The following SMARCAL1 variants were observed in gnomAD, a reference collection of about 807,000 sequenced individuals.
SMARCAL1 encodes SNF2 related chromatin remodeling annealing helicase 1.
A neutral mutation model predicts 94.5 loss-of-function variants in SMARCAL1; 58 were observed. The ratio of observed to expected loss-of-function variants is 0.61; its 90% CI spans 0.50 to 0.76. The LOEUF is 0.76. Among genes scored for constraint, SMARCAL1 ranks in the 30% least tolerant of loss-of-function variants. The pLI is 0.00. For synonymous variants in SMARCAL1, 422 were observed against 455.1 expected (o/e 0.93, Z 0.93); for missense variants, 1,051 against 1,177.9 (o/e 0.89, Z 1.58).
chr2:216,471,960 A>G (rs1287242015), intron 14 of SMARCAL1, among the ~76,000 whole-genome samples: 1 of 152,056 alleles, frequency 6.6e-6, no homozygotes, highest in Non-Finnish European at 1.5e-5. Context: ...ACCTGAAGAA[A>G]CTCCAAAATT....
chr2:216,445,623 T>A (rs1328961064), intron 10 of SMARCAL1, among the ~76,000 whole-genome samples: 1 of 152,168 alleles, frequency 6.6e-6, no homozygotes, highest in African/African-American at 2.4e-5. Flanking sequence ...CCCTTTTTCA[T>A]TGAAATGATC....
chr2:216,454,695 A>G (rs1222397228), intron 12 of SMARCAL1, among the ~76,000 whole-genome samples: 2 of 151,974 alleles, frequency 1.3e-5, no homozygotes, highest in Non-Finnish European at 2.9e-5. Context: ...TTATTACTAT[A>G]CTATAAAAAA....
chr2:216,478,186 T>A lies in SMARCAL1; in HGVS notation c.2529-17T>A. 6.2e-7 allele frequency: 1 copy of A among 1,609,410 alleles called. No homozygotes were observed. Among genetic ancestry groups the A allele is most frequent in the Non-Finnish European group, 8.5e-7 (1 of 1,175,698 alleles). ...CTGTGCAGGTTGTATTCACTGCAGC[T>A]CATTTCTCCCCAACAGGCCCCTGAT... On this transcript the variant is annotated splice_polypyrimidine_tract_variant and intron_variant, in intron 16 of 17. Transcript: ENST00000357276.
intron 10 of SMARCAL1, among the ~76,000 whole-genome samples, chr2:216,445,317 CT>C (rs3836030): frequency 0.72 from 109,581 of 151,978 alleles, 40,034 homozygotes; most frequent in African/African-American, 0.84. Flanking sequence ...ATTCTGGTTT[CT>C]TTTTCAAAGC....
At chr2:216,431,591 C>T (rs1000954562) in intron 7 of SMARCAL1, among the ~76,000 whole-genome samples, 7 of 152,136 alleles carry the variant, frequency 4.6e-5, no homozygotes, top group African/African-American at 1.7e-4. Context: ...GCTTTATTAA[C>T]CCTCCCACAG....
intron 6 of SMARCAL1, among the ~76,000 whole-genome samples, chr2:216,427,991 T>C (rs16856088): frequency 0.14 from 21,458 of 152,158 alleles, 1,604 homozygotes; most frequent in South Asian, 0.25. Flanking sequence ...CGATTAGCCT[T>C]TTGGTGGGTT....
chr2:216,427,666 A>G (rs1693865076), intron 6 of SMARCAL1, among the ~76,000 whole-genome samples: 1 of 152,236 alleles, frequency 6.6e-6, no homozygotes. Flanking sequence ...AACTATTTCC[A>G]GAAATAACTG....
chr2:216,447,514 C>T lies in SMARCAL1; in HGVS notation c.1851+356C>T, dbSNP rs568561190. ...GTGCTGGAGCTATAAAAGGAAAGTC[C>T]TTGTCAAGTGCTGGCCCTAGAGAAG... On this transcript the variant is annotated intron_variant, in intron 11 of 17. Coordinates refer to ENST00000357276, the MANE Select transcript of SMARCAL1 (RefSeq NM_014140.4). Among the ~76,000 whole-genome samples, 6 of 152,198 alleles carry T rather than the reference C, an allele frequency of 3.9e-5. 1 individual carries two copies. The highest frequency in any genetic ancestry group is 1.2e-4 in the African/African-American group (5 of 41,522).
intron 8 of SMARCAL1, among the ~76,000 whole-genome samples, chr2:216,434,961 C>T (rs1574458376): frequency 1.3e-5 from 2 of 150,240 alleles, no homozygotes; most frequent in African/African-American, 2.5e-5. Context: ...CGGGTTCAAG[C>T]GATTCTCCTG....
intron 4 of SMARCAL1, 131 bp downstream of exon 4, chr2:216,416,438 C>T (rs545736767): frequency 4.0e-6 from 3 of 754,950 alleles, no homozygotes; most frequent in East Asian, 5.2e-5. Context: ...CCCCCCCCAA[C>T]ACTCCTTCCC....
chr2:216,433,594 G>C (rs375202824), intron 8 of SMARCAL1, among the ~76,000 whole-genome samples: 38 of 152,236 alleles, frequency 2.5e-4, no homozygotes, highest in South Asian at 1.2e-3. Context: ...CTCTGTAGAG[G>C]GGGGAGTGAG....
intron 13 of SMARCAL1, among the ~76,000 whole-genome samples, chr2:216,464,940 G>A (rs1478707015): frequency 1.3e-5 from 2 of 152,170 alleles, no homozygotes; most frequent in Non-Finnish European, 2.9e-5. Context: ...GAGTCCAGGA[G>A]TTTGAGACCA....
chr2:216,479,180 A>G (rs1301868906), intron 17 of SMARCAL1: 1 of 152,264 alleles, frequency 6.6e-6, no homozygotes, highest in Non-Finnish European at 1.5e-5. Flanking sequence ...TTCTGCCAGG[A>G]GAGTTTGAAC....
chr2:216,452,411 T>C (rs1226604832), intron 12 of SMARCAL1, among the ~76,000 whole-genome samples: 1 of 152,218 alleles, frequency 6.6e-6, no homozygotes, highest in Admixed American at 6.5e-5. Flanking sequence ...TGAACTGGTA[T>C]AGCAAATATA....
intron 12 of SMARCAL1, among the ~76,000 whole-genome samples, chr2:216,463,080 C>T (rs1017649125): frequency 6.6e-6 from 1 of 152,182 alleles, no homozygotes. Context: ...GCTGTGGTTG[C>T]TTTCCTGAGT....
At chr2:216,431,175 GC>G (rs935745897) in intron 7 of SMARCAL1, among the ~76,000 whole-genome samples, 2 of 152,244 alleles carry the variant, frequency 1.3e-5, no homozygotes, top group African/African-American at 4.8e-5. Context: ...GGGATTTGCT[GC>G]CCAGTTTTCC....
chr2:216,423,675 G>A lies in SMARCAL1; in HGVS notation c.1139G>A (p.Ser380Asn). ...RKWSFLLEEH[S>N]KLIAKVRCLP... ...TGGAGCTTTCTCTTGGAAGAGCACA[G>A]TAAACTAAGTGAGAAGCCTTCCTTA... The change falls in exon 6 of 18, where the codon AGT becomes AAT. Residue 380 changes from serine to asparagine, a missense_variant. Coordinates refer to ENST00000357276, the MANE Select transcript of SMARCAL1 (RefSeq NM_014140.4). The A allele has an allele frequency of 6.2e-7, 1 of 1,613,110 alleles. No individual in the cohort carries two copies. The highest frequency in any genetic ancestry group is 8.5e-7 in the Non-Finnish European group (1 of 1,179,066).
intron 10 of SMARCAL1, among the ~76,000 whole-genome samples, chr2:216,439,327 G>A (rs1024358464): frequency 8.4e-5 from 3 of 35,880 alleles, no homozygotes; most frequent in Non-Finnish European, 1.7e-4. Context: ...TCCATTATGG[G>A]GGGGGGGGAT....
At chr2:216,438,662 A>T (rs891055643) in intron 10 of SMARCAL1, among the ~76,000 whole-genome samples, 177 bp downstream of exon 10, 1 of 152,042 alleles carries the variant, frequency 6.6e-6, no homozygotes, top group African/African-American at 2.4e-5. Context: ...TACCAATTTC[A>T]TCTTTCTTCC....
Sources: gnomAD v4.1 joint callset for allele counts (sites outside exome capture counted in the v4.1 genomes callset) on GRCh38, gnomAD v4.1.1 for gene constraint, MANE v1.5 for transcripts, NCBI Gene and HGNC (gene_info 2026-07-23, HGNC 2026-07-21) for gene names.